USH2A: variants seen among roughly 807,000 people sequenced by gnomAD.
USH2A encodes the protein Usher syndrome 2A (autosomal recessive, mild).
Under a neutral mutation model 538.9 loss-of-function variants are expected in USH2A, and 443 were observed. The ratio of observed to expected loss-of-function variants is 0.82; its 90% CI spans 0.76 to 0.89. USH2A has a LOEUF of 0.89. USH2A is among the 40% of genes least tolerant of loss of function. USH2A has a pLI of 0.00. For missense variants in USH2A, 6,633 were observed against 6,324.8 expected (o/e 1.05, Z -1.65); for synonymous variants, 2,413 against 2,273.5 (o/e 1.06, Z -1.75).
At chr1:216,351,511 G>A (rs1208161744) in intron 4 of USH2A, among the ~76,000 whole-genome samples, 1 of 152,192 alleles carries the variant, frequency 6.6e-6, no homozygotes, top group East Asian at 1.9e-4. Context: ...ATAAACAAAT[G>A]TAAGAAATAA....
chr1:215,653,746 G>A (rs1013609763), intron 64 of USH2A, among the ~76,000 whole-genome samples: 15 of 152,002 alleles, frequency 9.9e-5, no homozygotes, highest in Non-Finnish European at 1.9e-4. Flanking sequence ...GTCTATGCCC[G>A]GCTAAGCAAG....
chr1:216,246,725 G>A lies in USH2A; in HGVS notation c.2669C>T (p.Thr890Ile), dbSNP rs771083549. 1.2e-6 allele frequency: 2 copies of A among 1,613,990 alleles called. No homozygotes were observed. The highest frequency in any genetic ancestry group is 1.7e-6 in the Non-Finnish European group (2 of 1,179,996). The stretch of plus-strand genomic sequence containing the variant: ...CTGGCAGTGTTGAAAATTGTCAATG[G>A]TCAAATTGTACCTGTGAGGCTCACA... Reference protein sequence around the residue: ...NQCEPHRYNLTIDNFQHCQMC... With the variant: ...NQCEPHRYNLIIDNFQHCQMC... The change falls in exon 13 of 72, where the codon ACC (threonine) becomes ATC (isoleucine). Residue 890 changes from threonine to isoleucine, a missense_variant. Thr to Ile is a moderately conservative substitution (Grantham distance 89). Transcript: ENST00000307340.
At chr1:216,006,728 T>G (rs1668400768) in intron 32 of USH2A, among the ~76,000 whole-genome samples, 2 of 152,140 alleles carry the variant, frequency 1.3e-5, no homozygotes, top group South Asian at 4.1e-4. Context: ...AGGAACCAAG[T>G]AAGGGTTTAC....
At chr1:215,836,544 T>A (rs1464132318) in intron 47 of USH2A, among the ~76,000 whole-genome samples, 2 of 14,576 alleles carry the variant, frequency 1.4e-4, no homozygotes, top group African/African-American at 4.9e-4. Context: ...ATATATATAA[T>A]ATATATATAT....
intron 21 of USH2A, among the ~76,000 whole-genome samples, chr1:216,137,961 A>G (rs2033518842): frequency 6.6e-6 from 1 of 152,210 alleles, no homozygotes; most frequent in African/African-American, 2.4e-5. Context: ...TTGAATTTAA[A>G]AAAACGACAA....
chr1:216,325,668 AC>A, intron 5 of USH2A, 69 bp from the exon 6 acceptor site: 2 of 1,462,394 alleles, frequency 1.4e-6, no homozygotes, highest in Non-Finnish European at 1.9e-6. Context: ...AGGAGTCGTT[AC>A]AAATGAATGT....
intron 3 of USH2A, among the ~76,000 whole-genome samples, chr1:216,374,429 G>A (rs939761076): frequency 1.3e-5 from 2 of 151,896 alleles, no homozygotes; most frequent in African/African-American, 2.4e-5. Flanking sequence ...AGGTGATACA[G>A]TGATCATATT....
intron 38 of USH2A, among the ~76,000 whole-genome samples, chr1:215,932,540 A>G (rs1352681565): frequency 6.6e-6 from 1 of 152,088 alleles, no homozygotes; most frequent in Admixed American, 6.6e-5. Flanking sequence ...CATAAAAAAG[A>G]TAATTTTAAA....
At chr1:215,950,756 C>T (rs1012253603) in intron 37 of USH2A, among the ~76,000 whole-genome samples, 3 of 151,956 alleles carry the variant, frequency 2.0e-5, no homozygotes, top group Admixed American at 6.6e-5. Context: ...GTGATCCACC[C>T]GCCTCAGCCT....
chr1:216,265,336 CA>C (rs1270080584), intron 11 of USH2A, among the ~76,000 whole-genome samples: 1 of 151,514 alleles, frequency 6.6e-6, no homozygotes, highest in Non-Finnish European at 1.5e-5. Context: ...ATAAAAATGA[CA>C]AAAAATAACA....
chr1:216,281,865 G>GTTTTTTTTTTT (rs766030449), intron 11 of USH2A, among the ~76,000 whole-genome samples: 209 of 96,382 alleles, frequency 2.2e-3, no homozygotes, highest in Middle Eastern at 0.011. Flanking sequence ...GTTTTTGTCT[G>GTTTTTTTTTTT]TTTTTTTTTT....
chr1:216,242,967 A>G (rs978667263), intron 13 of USH2A, among the ~76,000 whole-genome samples: 2 of 152,242 alleles, frequency 1.3e-5, no homozygotes, highest in Admixed American at 1.3e-4. Context: ...AGAACTCAAC[A>G]GTACCCAGAA....
intron 61 of USH2A, among the ~76,000 whole-genome samples, chr1:215,693,903 T>C (rs1658706127): frequency 6.6e-6 from 1 of 152,238 alleles, no homozygotes; most frequent in African/African-American, 2.4e-5. Flanking sequence ...TTAACTATAC[T>C]ATATCCCACT....
chr1:216,265,678 T>C (rs913650583), intron 11 of USH2A, among the ~76,000 whole-genome samples: 9 of 151,600 alleles, frequency 5.9e-5, no homozygotes, highest in Admixed American at 4.0e-4. Flanking sequence ...AAATATATAA[T>C]GAAATACTAT....
chr1:216,300,403 A>G (rs17042212), intron 9 of USH2A, among the ~76,000 whole-genome samples: 25,426 of 152,166 alleles, frequency 0.17, 2,558 homozygotes, highest in Middle Eastern at 0.32. Flanking sequence ...GACAATGGCT[A>G]TATCAGGGTC....
intron 46 of USH2A, 96 bp from the exon 47 acceptor site, chr1:215,838,199 T>C (rs1018974257): frequency 2.0e-6 from 2 of 980,664 alleles, no homozygotes; most frequent in Non-Finnish European, 1.6e-6. Flanking sequence ...CACATGAATC[T>C]CTTGTATTTC....
At chr1:216,047,854 C>T (rs1006752012) in intron 31 of USH2A, among the ~76,000 whole-genome samples, 5 of 152,156 alleles carry the variant, frequency 3.3e-5, no homozygotes, top group Admixed American at 2.6e-4. Flanking sequence ...GTTTTGAGAG[C>T]TGTTATTTCT....
chr1:216,005,813 G>A (rs1308928355), intron 32 of USH2A, among the ~76,000 whole-genome samples: 1 of 151,998 alleles, frequency 6.6e-6, no homozygotes. Context: ...AGGAGATAGT[G>A]GTAAACCAAA....
intron 37 of USH2A, among the ~76,000 whole-genome samples, chr1:215,938,630 A>G (rs1666562534): frequency 6.6e-6 from 1 of 151,982 alleles, no homozygotes; most frequent in African/African-American, 2.4e-5. Flanking sequence ...ATCTGACCCT[A>G]TTTGTGAGTA....
Sources: allele counts gnomAD v4.1 joint callset (sites outside exome capture counted in the v4.1 genomes callset), GRCh38; gene constraint gnomAD v4.1.1; transcripts MANE v1.5; gene names NCBI Gene and HGNC (gene_info 2026-07-23, HGNC 2026-07-21).